MRPL48: variants seen among roughly 807,000 people sequenced by gnomAD.
The protein encoded by MRPL48 is mitochondrial ribosomal protein L48, also known as large ribosomal subunit protein mL48.
MRPL48 carries 16 observed loss-of-function variants against 32.9 expected under a neutral mutation model. The observed-to-expected ratio is 0.49, with a 90% CI of 0.33 to 0.74. The LOEUF is 0.74. MRPL48 is among the 30% of genes least tolerant of loss of function. The pLI, the probability that MRPL48 is intolerant of heterozygous loss-of-function variation, is 0.02. For missense variants in MRPL48, 206 were observed against 245.3 expected (o/e 0.84, Z 1.07); for synonymous variants, 94 against 89.2 (o/e 1.05, Z -0.31).
intron 5 of MRPL48, among the ~76,000 whole-genome samples, chr11:73,854,674 C>G (rs1235487112): frequency 6.6e-6 from 1 of 152,120 alleles, no homozygotes; most frequent in Non-Finnish European, 1.5e-5. Flanking sequence ...GTTGTATACT[C>G]CTGGATTATA....
chr11:73,830,779 T>C (rs1236864131), intron 4 of MRPL48, among the ~76,000 whole-genome samples: 1 of 151,370 alleles, frequency 6.6e-6, no homozygotes, highest in African/African-American at 2.4e-5. Context: ...GACTTACGCA[T>C]CTTGGGAAGG....
intron 5 of MRPL48, 115 bp downstream of exon 5, chr11:73,845,091 T>C (rs1948265819): frequency 4.8e-6 from 5 of 1,043,378 alleles, no homozygotes; most frequent in Non-Finnish European, 6.7e-6. Flanking sequence ...CTCTTTTTAG[T>C]TATATAATGT....
intron 2 of MRPL48, among the ~76,000 whole-genome samples, chr11:73,808,091 A>G (rs1947491557): frequency 6.6e-6 from 1 of 152,156 alleles, no homozygotes; most frequent in Admixed American, 6.5e-5. Context: ...ACCTTTCCCA[A>G]CTAGACCATG....
intron 4 of MRPL48, among the ~76,000 whole-genome samples, chr11:73,834,941 C>T (rs1948069370): frequency 6.6e-6 from 1 of 151,938 alleles, no homozygotes; most frequent in Non-Finnish European, 1.5e-5. Flanking sequence ...AAGCGATCCC[C>T]CAGCCTCAGC....
At chr11:73,850,196 CT>C (rs35291814) in intron 5 of MRPL48, among the ~76,000 whole-genome samples, 9,087 of 139,700 alleles carry the variant, frequency 0.065, 272 homozygotes, top group Middle Eastern at 0.11. Flanking sequence ...ATTACACTTG[CT>C]TTTTTTTTTT....
chr11:73,864,527 T>A lies in MRPL48; in HGVS notation c.*157T>A. The A allele has an allele frequency of 1.5e-6, 1 of 677,034 alleles. No homozygotes were observed. The highest frequency in any genetic ancestry group is 2.5e-6 in the Non-Finnish European group (1 of 395,538). The allele number at this position is 677,034 out of a possible 1,614,324, so 41.9% of individuals were successfully genotyped here. A position where few individuals can be genotyped will look rare whatever the true frequency, so the allele number is the denominator to read the frequency against. On this transcript the variant is annotated 3_prime_UTR_variant, in exon 8 of 8. Coordinates refer to ENST00000310614, the MANE Select transcript of MRPL48 (RefSeq NM_016055.6). ...TCCTCACTCCTCTGTGGCTTGGCTG[T>A]ACTTGCCATTTCTTACCACTTACCT...
At chr11:73,805,736 G>A (rs1010969394) in intron 2 of MRPL48, among the ~76,000 whole-genome samples, 2 of 146,810 alleles carry the variant, frequency 1.4e-5, no homozygotes, top group African/African-American at 5.1e-5. Context: ...ACAGCTCACT[G>A]TAGCCTTGAC....
intron 2 of MRPL48, among the ~76,000 whole-genome samples, chr11:73,807,631 CT>C (rs777408873): frequency 0.057 from 6,039 of 106,860 alleles, 82 homozygotes; most frequent in African/African-American, 0.11. Flanking sequence ...GTATTATTAT[CT>C]TTTTTTTTTT....
intron 4 of MRPL48, among the ~76,000 whole-genome samples, chr11:73,831,940 CAAAAAAAA>C (rs4019304): frequency 1.5e-5 from 1 of 67,110 alleles, no homozygotes; most frequent in African/African-American, 6.3e-5. Flanking sequence ...AACTCTGTCT[CAAAAAAAA>C]AAAAAAAAAA....
At chr11:73,855,679 G>A (rs927716812) in intron 5 of MRPL48, among the ~76,000 whole-genome samples, 1 of 152,192 alleles carries the variant, frequency 6.6e-6, no homozygotes, top group Non-Finnish European at 1.5e-5. Flanking sequence ...GTGGAGACGG[G>A]GTTTCGCCAT....
At chr11:73,830,293 A>T (rs1947970070) in intron 4 of MRPL48, among the ~76,000 whole-genome samples, 1 of 152,162 alleles carries the variant, frequency 6.6e-6, no homozygotes, top group Non-Finnish European at 1.5e-5. Flanking sequence ...GCTCCAGATG[A>T]CCTTGGTTGC....
At chr11:73,846,067 C>CAAAAA (rs749259766) in intron 5 of MRPL48, among the ~76,000 whole-genome samples, 1 of 57,836 alleles carries the variant, frequency 1.7e-5, no homozygotes, top group Non-Finnish European at 3.2e-5. Flanking sequence ...GACCCTGTCT[C>CAAAAA]AAAAAAAAAA....
At chr11:73,793,618 T>A (rs1947191972) in intron 1 of MRPL48, among the ~76,000 whole-genome samples, 1 of 152,052 alleles carries the variant, frequency 6.6e-6, no homozygotes, top group Admixed American at 6.5e-5. Flanking sequence ...AGAACACACT[T>A]GGAGTTCCAG....
intron 1 of MRPL48, among the ~76,000 whole-genome samples, chr11:73,795,168 G>A (rs528069436): frequency 3.2e-4 from 49 of 152,092 alleles, no homozygotes; most frequent in African/African-American, 1.2e-3. Flanking sequence ...CGCCCGCCTC[G>A]GCTTTCCAAA....
intron 5 of MRPL48, among the ~76,000 whole-genome samples, chr11:73,857,491 G>C (rs1293158819): frequency 6.6e-6 from 1 of 150,998 alleles, no homozygotes; most frequent in Non-Finnish European, 1.5e-5. Context: ...GGTTGCCCAG[G>C]CTAGTCTTGA....
intron 5 of MRPL48, among the ~76,000 whole-genome samples, chr11:73,852,030 A>G (rs1350363230): frequency 6.6e-6 from 1 of 152,168 alleles, no homozygotes; most frequent in African/African-American, 2.4e-5. Flanking sequence ...TTACAGCTCA[A>G]AGAGGCAGAG....
intron 6 of MRPL48, among the ~76,000 whole-genome samples, chr11:73,861,171 C>G (rs1948579036): frequency 6.6e-6 from 1 of 152,190 alleles, no homozygotes; most frequent in South Asian, 2.1e-4. Flanking sequence ...TAACTAAGTA[C>G]AATCTTTGGC....
chr11:73,831,530 A>G (rs1056292913), intron 4 of MRPL48, among the ~76,000 whole-genome samples: 5 of 152,090 alleles, frequency 3.3e-5, no homozygotes, highest in Admixed American at 6.6e-5. Context: ...TTTAGAGCGT[A>G]TCTCCAGACC....
At chr11:73,855,256 C>T (rs1444489315) in intron 5 of MRPL48, among the ~76,000 whole-genome samples, 2 of 151,716 alleles carry the variant, frequency 1.3e-5, no homozygotes, top group Non-Finnish European at 2.9e-5. Flanking sequence ...ATGATTATGT[C>T]ACTCTTCTGC....
Sources: allele counts gnomAD v4.1 joint callset (sites outside exome capture counted in the v4.1 genomes callset), GRCh38; gene constraint gnomAD v4.1.1; transcripts MANE v1.5; gene names NCBI Gene and HGNC (gene_info 2026-07-23, HGNC 2026-07-21).